The following DOT1L variants were observed in gnomAD, a reference collection of about 807,000 sequenced individuals.
The protein encoded by DOT1L is DOT1 like histone lysine methyltransferase, also known as histone-lysine N-methyltransferase, H3 lysine-79 specific.
Under a neutral mutation model 153.3 loss-of-function variants are expected in DOT1L, and 33 were observed. That is an observed-to-expected ratio of 0.22 (90% CI 0.16 to 0.29). DOT1L has a LOEUF of 0.29. Among genes scored for constraint, DOT1L ranks in the 10% least tolerant of loss-of-function variants. DOT1L has a pLI of 1.00. For synonymous variants in DOT1L, 1,135 were observed against 965.1 expected (o/e 1.18, Z -3.26); for missense variants, 1,847 against 2,119.9 (o/e 0.87, Z 2.53).
At chr19:2,205,888 G>A (rs1248994702) in intron 9 of DOT1L, among the ~76,000 whole-genome samples, 1 of 151,806 alleles carries the variant, frequency 6.6e-6, no homozygotes, top group Non-Finnish European at 1.5e-5. Flanking sequence ...TTGTAGAGAT[G>A]GGGTCTCCCT....
intron 1 of DOT1L, among the ~76,000 whole-genome samples, chr19:2,169,982 C>T (rs1017108682): frequency 1.3e-5 from 2 of 152,136 alleles, no homozygotes; most frequent in African/African-American, 2.4e-5. Context: ...CATGACGAAA[C>T]CCCGTATTTA....
chr19:2,196,856 G>T (rs1384075608), intron 7 of DOT1L, among the ~76,000 whole-genome samples: 2 of 152,202 alleles, frequency 1.3e-5, no homozygotes, highest in Non-Finnish European at 2.9e-5. Context: ...GTTAGCGGCG[G>T]GCTCGTGTGG....
In DOT1L at chr19:2,213,870, T is replaced by G; in HGVS notation, c.1681T>G (p.Tyr561Asp). Reference sequence around the variant, plus strand: ...CCAGCTGGGTGTGAAGGCGCTGACCTACAACGACCTGATTCAAGCGCAGAA... The same window carrying G: ...CCAGCTGGGTGTGAAGGCGCTGACCGACAACGACCTGATTCAAGCGCAGAA... The part of the protein sequence containing the change: ...LDELGVKALT[Y>D]NDLIQAQKEI... The change falls in exon 18 of 28, where the codon TAC becomes GAC. Residue 561 changes from tyrosine (Y) to aspartate (D), a missense_variant. Physicochemically the swap from Tyr to Asp is radical, Grantham distance 160. Coordinates refer to ENST00000398665, the MANE Select transcript of DOT1L (RefSeq NM_032482.3). 1 of 1,613,126 alleles carries G rather than the reference T, an allele frequency of 6.2e-7. No individual in the cohort carries two copies. Among genetic ancestry groups the G allele is most frequent in the Non-Finnish European group, 8.5e-7 (1 of 1,180,022 alleles).
At chr19:2,214,103 C>CCCA in intron 18 of DOT1L, 117 bp downstream of exon 18, 1 of 1,447,882 alleles carries the variant, frequency 6.9e-7, no homozygotes, top group East Asian at 2.5e-5. Flanking sequence ...GGGGTTTGTT[C>CCCA]CCAGACGAAT....
chr19:2,228,888 G>A, intron 27 of DOT1L: 1 of 985,444 alleles, frequency 1.0e-6, no homozygotes, highest in Non-Finnish European at 1.2e-6. Flanking sequence ...TGTCTGGCCA[G>A]TAGCCTCGGA....
chr19:2,231,637 C>T lies in DOT1L; in HGVS notation c.*1845C>T, dbSNP rs1243534053. On this transcript the variant is annotated 3_prime_UTR_variant, in exon 28 of 28. Coordinates refer to ENST00000398665, the MANE Select transcript of DOT1L (RefSeq NM_032482.3). ...TCAGCTAGAAGGTGCTGTGCCTCTG[C>T]CTGAGCCCCAAGCCCCGAGCCTGGC... 9.4e-6 allele frequency: 2 copies of T among 213,322 alleles called. No homozygotes were observed. The highest frequency in any genetic ancestry group is 1.4e-4 in the East Asian group (2 of 14,340). 13.2% of individuals were successfully genotyped at this position (213,322 alleles called of 1,614,324 possible). A position where few individuals can be genotyped will look rare whatever the true frequency, so the allele number is the denominator to read the frequency against.
chr19:2,225,708 C>T (rs1251515269), intron 26 of DOT1L, among the ~76,000 whole-genome samples: 1 of 152,210 alleles, frequency 6.6e-6, no homozygotes, highest in Non-Finnish European at 1.5e-5. Flanking sequence ...GCCATGCTCT[C>T]ACAGTGGGTG....
At chr19:2,201,855 T>A (rs1357642501) in intron 8 of DOT1L, among the ~76,000 whole-genome samples, 1 of 152,242 alleles carries the variant, frequency 6.6e-6, no homozygotes, top group Non-Finnish European at 1.5e-5. Flanking sequence ...GCTCTGGCTC[T>A]GGGCACAGCG....
intron 22 of DOT1L, among the ~76,000 whole-genome samples, chr19:2,218,162 T>C (rs1328490549): frequency 1.3e-5 from 2 of 152,162 alleles, no homozygotes; most frequent in South Asian, 2.1e-4. Context: ...CCTTCTGGGT[T>C]GAGGAGGAGC....
At chr19:2,188,735 A>C (rs1211776915) in intron 3 of DOT1L, among the ~76,000 whole-genome samples, 2 of 152,230 alleles carry the variant, frequency 1.3e-5, no homozygotes, top group Non-Finnish European at 2.9e-5. Flanking sequence ...GTGGAGGGAC[A>C]GACGCTGTTG....
In DOT1L at chr19:2,232,313, T is replaced by G. The variant is rs749769511; in HGVS notation, c.*2521T>G. 1.8e-4 allele frequency: 38 copies of G among 213,924 alleles called. 1 individual carries two copies. The highest frequency in any genetic ancestry group is 3.3e-4 in the Non-Finnish European group (35 of 106,158). 13.3% of individuals were successfully genotyped at this position (213,924 alleles called of 1,614,324 possible). ...TTTATCTGCCCCCAGGATGCGTCAGTCTGTTCAGTGGTCAGCAGGCCCCCC... is the reference window on the plus strand; with the variant it reads ...TTTATCTGCCCCCAGGATGCGTCAGGCTGTTCAGTGGTCAGCAGGCCCCCC... On this transcript the variant is annotated 3_prime_UTR_variant, in exon 28 of 28. Transcript: ENST00000398665.
chr19:2,205,147 A>T (rs540197766), intron 9 of DOT1L, among the ~76,000 whole-genome samples: 7 of 151,674 alleles, frequency 4.6e-5, no homozygotes, highest in African/African-American at 1.7e-4. Flanking sequence ...ATTTTTTTGT[A>T]TTTTTAGTAG....
At position 2,210,396 on chromosome 19, in the gene DOT1L, C is replaced by A; in HGVS notation, c.1006-4C>A. 6.5e-7 allele frequency: 1 copy of A among 1,529,490 alleles called. No individual in the cohort carries two copies. Among genetic ancestry groups the A allele is most frequent in the Non-Finnish European group, 8.8e-7 (1 of 1,140,032 alleles). 94.7% of individuals were successfully genotyped at this position (1,529,490 alleles called of 1,614,324 possible). ...TCCTGTGGCTCAACCTGCTCTCCTT[C>A]CAGGAGGAACAGGAGGCAGCCCGGC... On this transcript the variant is annotated splice_region_variant and splice_polypyrimidine_tract_variant and intron_variant, in intron 12 of 27. Coordinates refer to ENST00000398665, the MANE Select transcript of DOT1L (RefSeq NM_032482.3).
At position 2,210,701 on chromosome 19, in the gene DOT1L, A is replaced by G; in HGVS notation, c.1197A>G (p.Leu399=). ...PSPSKARKKK[L]NKKGRKMAGR... ...CCTCCAAAGCCCGCAAGAAGAAGCT[A>G]AACAAGAAGGGGAGGAAGATGGCTG... The change falls in exon 14 of 28, where the codon CTA becomes CTG. Residue 399 remains leucine (L), a synonymous_variant. Transcript: ENST00000398665. 6.2e-7 allele frequency: 1 copy of G among 1,613,166 alleles called. No homozygotes were observed. The highest frequency in any genetic ancestry group is 8.5e-7 in the Non-Finnish European group (1 of 1,179,992).
chr19:2,229,826 A>G lies in DOT1L; in HGVS notation c.*34A>G. ...CCTCAACCGCGAGACCTATGCAAGG[A>G]CGGTGTGGACCAACTCGCGCCCGCG... On this transcript the variant is annotated 3_prime_UTR_variant, in exon 28 of 28. Coordinates refer to ENST00000398665, the MANE Select transcript of DOT1L (RefSeq NM_032482.3). 5.0e-6 allele frequency: 8 copies of G among 1,612,956 alleles called. No individual in the cohort carries two copies. Among genetic ancestry groups the G allele is most frequent in the Non-Finnish European group, 5.9e-6 (7 of 1,179,894 alleles).
intron 1 of DOT1L, among the ~76,000 whole-genome samples, chr19:2,169,961 A>T (rs940215670): frequency 6.6e-6 from 1 of 152,226 alleles, no homozygotes; most frequent in Non-Finnish European, 1.5e-5. Flanking sequence ...GTTCGAGACC[A>T]GCTTGGCCAA....
At chr19:2,181,018 T>C (rs900258136) in intron 2 of DOT1L, among the ~76,000 whole-genome samples, 3 of 152,172 alleles carry the variant, frequency 2.0e-5, no homozygotes, top group African/African-American at 7.2e-5. Flanking sequence ...TCTGTCTCCT[T>C]GTCAGTCTCC....
chr19:2,169,906 C>T (rs565586817), intron 1 of DOT1L, among the ~76,000 whole-genome samples: 91 of 152,236 alleles, frequency 6.0e-4, no homozygotes, highest in African/African-American at 2.1e-3. Flanking sequence ...CCTGTAATCC[C>T]GGCACTTTGG....
chr19:2,169,659 CT>C (rs376473883), intron 1 of DOT1L, among the ~76,000 whole-genome samples: 2 of 152,092 alleles, frequency 1.3e-5, no homozygotes, highest in African/African-American at 2.4e-5. Flanking sequence ...ACGCCCAGCT[CT>C]TTTTTTCCTT....
Sources: gnomAD v4.1 joint callset for allele counts (sites outside exome capture counted in the v4.1 genomes callset) on GRCh38, gnomAD v4.1.1 for gene constraint, MANE v1.5 for transcripts, NCBI Gene and HGNC (gene_info 2026-07-23, HGNC 2026-07-21) for gene names.